TAOK1: variants seen among roughly 807,000 people sequenced by gnomAD.
TAOK1 encodes the protein serine/threonine-protein kinase TAO1.
Under a neutral mutation model 138.3 loss-of-function variants are expected in TAOK1, and 21 were observed. The observed-to-expected ratio is 0.15, with a 90% CI of 0.11 to 0.22. TAOK1 has a LOEUF of 0.22. Among genes scored for constraint, TAOK1 ranks in the 10% least tolerant of loss-of-function variants. The probability of loss-of-function intolerance (pLI) is 1.00; values close to 1 mark genes in which losing one functional copy is unlikely to be tolerated. For missense variants in TAOK1, 651 were observed against 1,227.7 expected (o/e 0.53, Z 7.02); for synonymous variants, 361 against 398.4 (o/e 0.91, Z 1.12).
chr17:29,482,154 T>C, intron 7 of TAOK1, 43 bp from the exon 8 acceptor site: 1 of 1,463,846 alleles, frequency 6.8e-7, no homozygotes, highest in Non-Finnish European at 9.5e-7. Flanking sequence ...GATAGAATAC[T>C]TTTTAAAAAA....
chr17:29,466,682 T>C (rs1157096818), intron 2 of TAOK1, among the ~76,000 whole-genome samples: 1 of 152,248 alleles, frequency 6.6e-6, no homozygotes, highest in Non-Finnish European at 1.5e-5. Flanking sequence ...TGTTTTTCAC[T>C]GAAGACTATG....
intron 1 of TAOK1, among the ~76,000 whole-genome samples, chr17:29,435,830 A>T (rs1424529371): frequency 6.6e-6 from 1 of 152,250 alleles, no homozygotes; most frequent in Non-Finnish European, 1.5e-5. Flanking sequence ...TTATATTGCC[A>T]TAAGAATACT....
chr17:29,540,450 C>T (rs1292069590), intron 19 of TAOK1, among the ~76,000 whole-genome samples: 14 of 152,178 alleles, frequency 9.2e-5, no homozygotes, highest in African/African-American at 3.1e-4. Flanking sequence ...CTGCAACCTT[C>T]GCCTCCCAAG....
chr17:29,409,598 G>T (rs892603568), intron 1 of TAOK1, among the ~76,000 whole-genome samples: 1 of 151,996 alleles, frequency 6.6e-6, no homozygotes, highest in Non-Finnish European at 1.5e-5. Context: ...CTCCCAAAGT[G>T]CTGGGATTAC....
At chr17:29,492,653 G>C (rs966187813) in intron 10 of TAOK1, among the ~76,000 whole-genome samples, 4 of 152,076 alleles carry the variant, frequency 2.6e-5, no homozygotes, top group African/African-American at 9.7e-5. Context: ...TTAGCTGGGC[G>C]TGGTGGCGCA....
chr17:29,439,558 C>T (rs895669411), intron 1 of TAOK1, among the ~76,000 whole-genome samples: 5 of 151,994 alleles, frequency 3.3e-5, no homozygotes, highest in Non-Finnish European at 5.9e-5. Flanking sequence ...CAGTCAAAGG[C>T]CATACATTGC....
chr17:29,397,664 G>GATACACGT (rs1904673994), intron 1 of TAOK1, among the ~76,000 whole-genome samples: 1 of 35,604 alleles, frequency 2.8e-5, no homozygotes, highest in Admixed American at 2.8e-4. Context: ...ATTCATGTAT[G>GATACACGT]ATACATGTAT....
chr17:29,409,329 ATATAT>A (rs1325481684), intron 1 of TAOK1, among the ~76,000 whole-genome samples: 1,818 of 87,328 alleles, frequency 0.021, 2 homozygotes, highest in African/African-American at 0.042. Context: ...ATATATATAT[ATATAT>A]TTTTTTTTTT....
At chr17:29,422,946 A>T (rs1233233872) in intron 1 of TAOK1, among the ~76,000 whole-genome samples, 1 of 152,138 alleles carries the variant, frequency 6.6e-6, no homozygotes, top group African/African-American at 2.4e-5. Flanking sequence ...AATCACTTCA[A>T]TCTGGGAGGC....
intron 1 of TAOK1, among the ~76,000 whole-genome samples, chr17:29,397,597 C>T (rs991587802): frequency 3.1e-4 from 20 of 64,342 alleles, no homozygotes; most frequent in African/African-American, 5.5e-4. Context: ...AGTGAGATTC[C>T]GTCCCCCCCC....
In TAOK1 at chr17:29,549,019, C is replaced by T. The variant is rs2032447753; in HGVS notation, c.*5997C>T. ...CTCTCTCCCCCAGTGGCCATGTTTA[C>T]AAAAGTGTGTTTTGTCTATAAAGTG... On this transcript the variant is annotated 3_prime_UTR_variant, in exon 20 of 20. Coordinates refer to ENST00000261716, the MANE Select transcript of TAOK1 (RefSeq NM_020791.4). 6.6e-6 allele frequency: 1 copy of T among 152,104 alleles called. No individual in the cohort carries two copies. Among genetic ancestry groups the T allele is most frequent in the Non-Finnish European group, 1.5e-5 (1 of 67,990 alleles). 9.4% of individuals were successfully genotyped at this position (152,104 alleles called of 1,614,324 possible).
At chr17:29,403,430 T>G (rs1277878446) in intron 1 of TAOK1, among the ~76,000 whole-genome samples, 3 of 152,170 alleles carry the variant, frequency 2.0e-5, no homozygotes, top group African/African-American at 2.4e-5. Flanking sequence ...TGGAAAAGCT[T>G]TGTCTTTTTG....
Position 29,498,463 on chromosome 17 carries a change from A to G in TAOK1, c.1145A>G (p.Asp382Gly). The change falls in exon 12 of 20, where the codon GAC becomes GGC. Residue 382 changes from aspartate to glycine, a missense_variant. This residue lies in a region of TAOK1 where 104 missense variants were observed against 151.7 expected (regional missense o/e 0.69). Coordinates refer to ENST00000261716, the MANE Select transcript of TAOK1 (RefSeq NM_020791.4). Reference protein sequence around the residue: ...PDVSDDKSELDMMEGDHTVMS... With the variant: ...PDVSDDKSELGMMEGDHTVMS... The stretch of plus-strand genomic sequence containing the variant: ...GTCTCAGATGACAAGAGTGAGCTAG[A>G]CATGATGGAGGGAGACCACACAGTG... The G allele has an allele frequency of 6.2e-7, 1 of 1,614,216 alleles. No homozygotes were observed. The highest frequency in any genetic ancestry group is 8.5e-7 in the Non-Finnish European group (1 of 1,180,028).
At chr17:29,483,777 C>T (rs1355854438) in intron 8 of TAOK1, among the ~76,000 whole-genome samples, 1 of 152,160 alleles carries the variant, frequency 6.6e-6, no homozygotes, top group East Asian at 1.9e-4. Context: ...TTGAAGTTTG[C>T]AAAACTGTTT....
chr17:29,434,727 G>A (rs1223237848), intron 1 of TAOK1, among the ~76,000 whole-genome samples: 1 of 152,262 alleles, frequency 6.6e-6, no homozygotes, highest in East Asian at 1.9e-4. Flanking sequence ...CAGGAAGCTT[G>A]GAGTTGGCTT....
At chr17:29,537,280 T>A (rs1174148440) in intron 19 of TAOK1, among the ~76,000 whole-genome samples, 1 of 152,152 alleles carries the variant, frequency 6.6e-6, no homozygotes, top group East Asian at 1.9e-4. Context: ...TTGGTGAAGG[T>A]ACAGTGACAC....
At chr17:29,533,249 CG>C (rs2032160169) in intron 18 of TAOK1, among the ~76,000 whole-genome samples, 3 of 145,228 alleles carry the variant, frequency 2.1e-5, no homozygotes, top group Non-Finnish European at 3.0e-5. Context: ...GATGGGCGGC[CG>C]GGCAGAGACG....
Position 29,543,196 on chromosome 17 carries a change from C to G in TAOK1, c.*174C>G. Reference sequence around the variant, plus strand: ...GTTTTGTGTTTACTAATTGGGATGTCATAGTACTTGGCTGCCGGGTTTGTT... The same window carrying G: ...GTTTTGTGTTTACTAATTGGGATGTGATAGTACTTGGCTGCCGGGTTTGTT... On this transcript the variant is annotated 3_prime_UTR_variant, in exon 20 of 20. Coordinates refer to ENST00000261716, the MANE Select transcript of TAOK1 (RefSeq NM_020791.4). 1 of 598,018 alleles carries G rather than the reference C, an allele frequency of 1.7e-6. No homozygotes were observed. Among genetic ancestry groups the G allele is most frequent in the Non-Finnish European group, 2.7e-6 (1 of 365,980 alleles). The allele number at this position is 598,018 out of a possible 1,614,324, so 37.0% of individuals were successfully genotyped here. A position where few individuals can be genotyped will look rare whatever the true frequency, so the allele number is the denominator to read the frequency against.
chr17:29,449,494 ATTGC>A (rs1198773280), intron 1 of TAOK1, among the ~76,000 whole-genome samples: 2 of 152,218 alleles, frequency 1.3e-5, no homozygotes, highest in African/African-American at 4.8e-5. Context: ...AAGAATTAAA[ATTGC>A]TTGTTACTTG....
Sources: allele counts gnomAD v4.1 joint callset (sites outside exome capture counted in the v4.1 genomes callset), GRCh38; gene constraint gnomAD v4.1.1; regional missense constraint gnomAD v4.1.1; transcripts MANE v1.5; gene names NCBI Gene and HGNC (gene_info 2026-07-23, HGNC 2026-07-21).